The following CARMIL1 variants were observed in gnomAD, a reference collection of about 807,000 sequenced individuals.
CARMIL1 encodes the protein capping protein regulator and myosin 1 linker 1, also known as F-actin-uncapping protein LRRC16A.
Under a neutral mutation model 177.1 loss-of-function variants are expected in CARMIL1, and 90 were observed. The observed-to-expected ratio is 0.51, with a 90% CI of 0.43 to 0.61. The LOEUF is 0.61. Ranked by LOEUF, CARMIL1 falls within the 20% of genes least tolerant of loss-of-function variation. CARMIL1 has a pLI of 0.00. For synonymous variants in CARMIL1, 577 were observed against 606.2 expected, an observed-to-expected ratio of 0.95 and a Z score of 0.71; for missense variants, 1,380 against 1,667.0, an observed-to-expected ratio of 0.83 and a Z score of 3.00.
chr6:25,383,662 C>T (rs1206094508), intron 2 of CARMIL1: 1 of 151,894 alleles, frequency 6.6e-6, no homozygotes, highest in African/African-American at 2.4e-5. Flanking sequence ...TGGCCCCTGT[C>T]GAAGGATGAC....
chr6:25,512,843 A>G (rs936005702), intron 20 of CARMIL1, among the ~76,000 whole-genome samples: 3 of 152,320 alleles, frequency 2.0e-5, no homozygotes, highest in Middle Eastern at 3.4e-3. Context: ...ATATGAACCC[A>G]TATTGTAACC....
At chr6:25,378,608 A>G (rs991023209) in intron 2 of CARMIL1, among the ~76,000 whole-genome samples, 1 of 152,122 alleles carries the variant, frequency 6.6e-6, no homozygotes, top group African/African-American at 2.4e-5. Context: ...ACTCCTTCTC[A>G]TATACTCCCC....
At chr6:25,281,706 T>C (rs551064273) in intron 1 of CARMIL1, among the ~76,000 whole-genome samples, 1 of 152,176 alleles carries the variant, frequency 6.6e-6, no homozygotes, top group East Asian at 1.9e-4. Context: ...CTGCACCTGC[T>C]TTCCTCTAAA....
intron 2 of CARMIL1, among the ~76,000 whole-genome samples, chr6:25,401,101 A>G (rs972609590): frequency 3.3e-5 from 5 of 152,124 alleles, no homozygotes; most frequent in African/African-American, 9.7e-5. Context: ...TATTTAGTAT[A>G]TTTATGCTTA....
chr6:25,341,677 C>T (rs919181711), intron 2 of CARMIL1, among the ~76,000 whole-genome samples: 6 of 152,230 alleles, frequency 3.9e-5, no homozygotes, highest in African/African-American at 1.4e-4. Flanking sequence ...GAGATTGTGC[C>T]GCTGCTCCAG....
intron 2 of CARMIL1, among the ~76,000 whole-genome samples, chr6:25,396,613 C>T (rs951720399): frequency 6.6e-5 from 10 of 152,110 alleles, no homozygotes; most frequent in Non-Finnish European, 1.3e-4. Context: ...CTGCCCGCCT[C>T]GGCCTCCCAA....
chr6:25,530,572 G>A (rs992020503), intron 24 of CARMIL1, among the ~76,000 whole-genome samples: 10 of 152,112 alleles, frequency 6.6e-5, no homozygotes, highest in African/African-American at 2.4e-4. Flanking sequence ...ATTAGTAGAC[G>A]TAAACGAGGT....
At chr6:25,281,970 C>A (rs1781153074) in intron 1 of CARMIL1, among the ~76,000 whole-genome samples, 1 of 151,826 alleles carries the variant, frequency 6.6e-6, no homozygotes, top group African/African-American at 2.4e-5. Context: ...CAAAAATTAG[C>A]TGGGCGTGGG....
intron 2 of CARMIL1, among the ~76,000 whole-genome samples, chr6:25,299,425 G>T (rs1782680217): frequency 6.6e-6 from 1 of 151,812 alleles, no homozygotes; most frequent in Non-Finnish European, 1.5e-5. Flanking sequence ...GCCCGCCTCG[G>T]CCTCCCAAAG....
At chr6:25,377,574 G>C (rs1791115445) in intron 2 of CARMIL1, among the ~76,000 whole-genome samples, 10 of 152,170 alleles carry the variant, frequency 6.6e-5, no homozygotes, top group Admixed American at 6.5e-4. Flanking sequence ...CCAGCAGTGG[G>C]TACCAGCACC....
At chr6:25,544,568 A>G (rs998440653) in intron 26 of CARMIL1, among the ~76,000 whole-genome samples, 31 of 151,628 alleles carry the variant, frequency 2.0e-4, no homozygotes, top group African/African-American at 4.6e-4. Context: ...AAGCATTTTC[A>G]TCACTGCAAA....
At chr6:25,562,543 G>T (rs990201438) in intron 29 of CARMIL1, among the ~76,000 whole-genome samples, 1 of 152,090 alleles carries the variant, frequency 6.6e-6, no homozygotes, top group Non-Finnish European at 1.5e-5. Context: ...CACCGCACCC[G>T]GCCAGACATC....
At position 25,515,436 on chromosome 6, in the gene CARMIL1, C is replaced by T. The variant is rs1351169342; in HGVS notation, c.1633-239C>T. Among the ~76,000 whole-genome samples the T allele has an allele frequency of 6.6e-6, 1 of 152,144 alleles. No individual in the cohort carries two copies. Among genetic ancestry groups the T allele is most frequent in the African/African-American group, 2.4e-5 (1 of 41,426 alleles). ...CAGCCTGCATGTCTTTCCCTGGCTT[C>T]CCTTAAAAGAGAAGTGGTAGGTATT... is the stretch of plus-strand genomic sequence containing the variant. On this transcript the variant is annotated intron_variant, in intron 20 of 36. Coordinates refer to ENST00000329474, the MANE Select transcript of CARMIL1 (RefSeq NM_017640.6). This position sits in a 1 kb window ranked among gnomAD's most constrained non-coding sequence, Gnocchi z 5.0.
chr6:25,507,542 T>G (rs1805031795), intron 17 of CARMIL1: 1 of 152,626 alleles, frequency 6.6e-6, no homozygotes, highest in Non-Finnish European at 1.5e-5. Context: ...GATTGTTTTT[T>G]AAGCATTGGA....
chr6:25,338,820 T>C (rs1786568900), intron 2 of CARMIL1, among the ~76,000 whole-genome samples: 1 of 152,188 alleles, frequency 6.6e-6, no homozygotes, highest in African/African-American at 2.4e-5. Context: ...GCTTCTTGGG[T>C]TGTGCTATTT....
At chr6:25,553,151 A>G (rs1001531737) in intron 27 of CARMIL1, among the ~76,000 whole-genome samples, 2 of 152,166 alleles carry the variant, frequency 1.3e-5, no homozygotes, top group African/African-American at 4.8e-5. Context: ...TCCATGTTAC[A>G]TGAATATATT....
At chr6:25,338,179 C>T (rs187164243) in intron 2 of CARMIL1, among the ~76,000 whole-genome samples, 3 of 152,170 alleles carry the variant, frequency 2.0e-5, no homozygotes, top group East Asian at 3.9e-4. Context: ...ATCGCTTGAA[C>T]CCAGGAGTCA....
At chr6:25,327,333 A>G (rs1197846069) in intron 2 of CARMIL1, among the ~76,000 whole-genome samples, 2 of 152,166 alleles carry the variant, frequency 1.3e-5, no homozygotes. Flanking sequence ...TTTCAGGAAC[A>G]GAGTGATCAA....
At chr6:25,345,455 A>G (rs569076780) in intron 2 of CARMIL1, among the ~76,000 whole-genome samples, 8 of 152,070 alleles carry the variant, frequency 5.3e-5, no homozygotes, top group East Asian at 3.9e-4. Flanking sequence ...AGACCCCTTC[A>G]TCTGGCTGCC....
Sources: allele counts gnomAD v4.1 joint callset (sites outside exome capture counted in the v4.1 genomes callset), GRCh38; gene constraint gnomAD v4.1.1; non-coding constraint Gnocchi (gnomAD v3.1); transcripts MANE v1.5; gene names NCBI Gene and HGNC (gene_info 2026-07-23, HGNC 2026-07-21).